Variants in PRELID2 observed in about 807,000 individuals in gnomAD.
PRELID2 encodes the protein PRELI domain containing 2.
Under a neutral mutation model 28.4 loss-of-function variants are expected in PRELID2, and 25 were observed. The observed-to-expected ratio is 0.88, with a 90% CI of 0.64 to 1.23. The LOEUF is 1.23. Ranked by LOEUF, PRELID2 falls within the 50% of genes most tolerant of loss-of-function variation. The probability of loss-of-function intolerance (pLI) is 0.00; values close to 1 mark genes in which losing one functional copy is unlikely to be tolerated. For synonymous variants in PRELID2, 76 were observed against 71.6 expected, an observed-to-expected ratio of 1.06 and a Z score of -0.31; for missense variants, 201 against 214.4, an observed-to-expected ratio of 0.94 and a Z score of 0.39.
the PRELID2 span, chr5:145,338,249 G>A: frequency 6.6e-6 from 1 of 152,226 alleles, no homozygotes; most frequent in African/African-American, 2.4e-5. Context: ...CCTTGTTTCA[G>A]GCACAGATAC....
the PRELID2 span, among the ~76,000 whole-genome samples, chr5:145,314,290 A>G: frequency 6.6e-6 from 1 of 152,146 alleles, no homozygotes; most frequent in Non-Finnish European, 1.5e-5. Flanking sequence ...ATCTCACTCT[A>G]TCTTTCACTT....
intron 1 of PRELID2, among the ~76,000 whole-genome samples, chr5:145,579,718 C>T (rs995448567): frequency 2.0e-5 from 3 of 151,934 alleles, no homozygotes; most frequent in Admixed American, 1.3e-4. Context: ...GAGGCTGAGC[C>T]CCCCTTTGTC....
chr5:145,467,396 G>A (rs188363182), downstream of PRELID2, among the ~76,000 whole-genome samples: 68 of 152,096 alleles, frequency 4.5e-4, no homozygotes, highest in Middle Eastern at 3.4e-3. Context: ...GGCTCTCCAG[G>A]AAATAGGGAT....
intron 1 of PRELID2, among the ~76,000 whole-genome samples, chr5:145,729,846 A>G (rs2400198): frequency 0.82 from 124,118 of 152,124 alleles, 51,056 homozygotes; most frequent in East Asian, 0.88. Flanking sequence ...GTGGGTCCAG[A>G]GGGCCAATGT....
At chr5:145,776,249 C>T (rs1469380017) in intron 5 of PRELID2, among the ~76,000 whole-genome samples, 1 of 152,192 alleles carries the variant, frequency 6.6e-6, no homozygotes, top group African/African-American at 2.4e-5. Context: ...CCAGGATATC[C>T]ACACTGTAGA....
chr5:145,600,771 A>G (rs1189285599), intron 1 of PRELID2, among the ~76,000 whole-genome samples: 1 of 152,184 alleles, frequency 6.6e-6, no homozygotes, highest in Non-Finnish European at 1.5e-5. Context: ...AAATAGACCA[A>G]TAAGGACTTC....
chr5:145,505,798 C>T (rs140804293), intron 1 of PRELID2, among the ~76,000 whole-genome samples: 215 of 152,198 alleles, frequency 1.4e-3, no homozygotes, highest in Middle Eastern at 0.01. Context: ...TGTATACATC[C>T]AATGGAATAT....
the PRELID2 span, among the ~76,000 whole-genome samples, chr5:145,333,819 C>CA: frequency 0.037 from 3,323 of 91,012 alleles, 122 homozygotes; most frequent in African/African-American, 0.089. Context: ...CTGGAGTATA[C>CA]AAAAAAAAAA....
At chr5:145,358,417 G>T in the PRELID2 span, among the ~76,000 whole-genome samples, 12 of 151,946 alleles carry the variant, frequency 7.9e-5, no homozygotes, top group South Asian at 2.1e-4. Context: ...GGGGTGGCTG[G>T]GGTCACCCGC....
intron 1 of PRELID2, among the ~76,000 whole-genome samples, chr5:145,617,966 C>CA (rs1753723371): frequency 6.6e-6 from 1 of 152,162 alleles, no homozygotes; most frequent in Admixed American, 6.5e-5. Flanking sequence ...CTCCTGACCT[C>CA]AGGTGATCCA....
the PRELID2 span, among the ~76,000 whole-genome samples, chr5:145,280,044 G>T: frequency 6.6e-6 from 1 of 152,006 alleles, no homozygotes; most frequent in Non-Finnish European, 1.5e-5. Context: ...ATCAGACAGG[G>T]CCTCAAACTT....
chr5:145,609,236 T>C (rs1432566537), intron 1 of PRELID2, among the ~76,000 whole-genome samples: 1 of 152,248 alleles, frequency 6.6e-6, no homozygotes. Flanking sequence ...TTCGTTCTTA[T>C]CCATATTCTG....
At chr5:145,802,879 G>A (rs1360776614) in intron 4 of PRELID2, among the ~76,000 whole-genome samples, 1 of 152,116 alleles carries the variant, frequency 6.6e-6, no homozygotes, top group Admixed American at 6.6e-5. Context: ...GGGAAATATG[G>A]ATCAGGAATT....
chr5:145,348,048 G>C, the PRELID2 span, among the ~76,000 whole-genome samples: 1 of 152,048 alleles, frequency 6.6e-6, no homozygotes, highest in Non-Finnish European at 1.5e-5. Flanking sequence ...CAAGGTCTTA[G>C]AACATTAAGA....
chr5:145,754,366 C>T (rs936621570), downstream of PRELID2: 3 of 152,180 alleles, frequency 2.0e-5, no homozygotes, highest in Admixed American at 1.3e-4. Flanking sequence ...TTTTCTTCTG[C>T]ATCCTTTAAA....
At chr5:145,492,786 C>A (rs1239889562) in intron 1 of PRELID2, among the ~76,000 whole-genome samples, 1 of 140,828 alleles carries the variant, frequency 7.1e-6, no homozygotes, top group East Asian at 2.0e-4. Context: ...GTTGTCGGCC[C>A]AGAAGTGGTG....
intron 1 of PRELID2, among the ~76,000 whole-genome samples, chr5:145,479,729 A>G (rs959328263): frequency 2.6e-5 from 4 of 152,336 alleles, no homozygotes; most frequent in Non-Finnish European, 5.9e-5. Context: ...TTCCAGAAAC[A>G]GAAATTTTGT....
chr5:145,706,620 A>G (rs1000324603), intron 1 of PRELID2, among the ~76,000 whole-genome samples: 2 of 152,178 alleles, frequency 1.3e-5, no homozygotes, highest in Non-Finnish European at 2.9e-5. Flanking sequence ...ACGCTAGGTG[A>G]TGTTCAAAAG....
intron 1 of PRELID2, among the ~76,000 whole-genome samples, chr5:145,633,369 A>C (rs114993673): frequency 1.8e-3 from 280 of 152,302 alleles, no homozygotes; most frequent in African/African-American, 6.4e-3. Context: ...TTCAAGTCCA[A>C]TGTGTTTCAT....
Sources: gnomAD v4.1 joint callset for allele counts (sites outside exome capture counted in the v4.1 genomes callset) on GRCh38, gnomAD v4.1.1 for gene constraint, MANE v1.5 for transcripts, NCBI Gene and HGNC (gene_info 2026-07-23, HGNC 2026-07-21) for gene names.